The following CALN1 variants were observed in gnomAD, a reference collection of about 807,000 sequenced individuals.
CALN1 encodes the protein calcium-binding protein 8.
Under a neutral mutation model 30.6 loss-of-function variants are expected in CALN1, and 17 were observed. The ratio of observed to expected loss-of-function variants is 0.56; its 90% CI spans 0.38 to 0.83. The LOEUF (loss-of-function observed/expected upper bound fraction) is 0.83, where lower values mean the gene tolerates loss of function less well. CALN1 is among the 40% of genes least tolerant of loss of function. The pLI is 0.00. For missense variants in CALN1, 291 were observed against 354.9 expected, an observed-to-expected ratio of 0.82 and a Z score of 1.45; for synonymous variants, 156 against 131.4, an observed-to-expected ratio of 1.19 and a Z score of -1.28.
At chr7:71,859,600 T>A (rs1252830123) in intron 5 of CALN1, among the ~76,000 whole-genome samples, 1 of 152,226 alleles carries the variant, frequency 6.6e-6, no homozygotes, top group Non-Finnish European at 1.5e-5. Flanking sequence ...TTTGATCTCC[T>A]GTCTCCTCTG....
chr7:72,462,178 GTATT>G, the CALN1 span, among the ~76,000 whole-genome samples: 13 of 150,294 alleles, frequency 8.6e-5, no homozygotes, highest in African/African-American at 2.2e-4. Flanking sequence ...ATGTATGTAT[GTATT>G]TATTTATTTA....
chr7:72,384,494 C>T (rs1344987798), intron 2 of CALN1, among the ~76,000 whole-genome samples: 3 of 152,006 alleles, frequency 2.0e-5, no homozygotes, highest in Non-Finnish European at 4.4e-5. Context: ...CAAAATGGGG[C>T]TTGGTGTTGT....
chr7:71,811,085 C>T (rs868444813), intron 5 of CALN1, among the ~76,000 whole-genome samples: 5 of 150,774 alleles, frequency 3.3e-5, no homozygotes, highest in African/African-American at 4.9e-5. Context: ...TTAGTAGAGA[C>T]GGGGTTTCAC....
intron 5 of CALN1, among the ~76,000 whole-genome samples, chr7:71,862,104 C>A (rs765027021): frequency 6.6e-6 from 1 of 152,198 alleles, no homozygotes; most frequent in Non-Finnish European, 1.5e-5. Flanking sequence ...CAGAGAATCC[C>A]GAGCCTAATT....
intron 5 of CALN1, among the ~76,000 whole-genome samples, chr7:72,005,394 T>A (rs922767146): frequency 6.6e-6 from 1 of 152,166 alleles, no homozygotes; most frequent in South Asian, 2.1e-4. Flanking sequence ...AGTGGCGTGA[T>A]CACGGCTCAC....
intron 2 of CALN1, among the ~76,000 whole-genome samples, chr7:72,387,230 G>A (rs1188480106): frequency 1.0e-5 from 1 of 95,532 alleles, no homozygotes; most frequent in Non-Finnish European, 2.1e-5. Context: ...AGGGAAGGAA[G>A]GGAAGGGAGG....
chr7:72,397,756 C>A (rs555643950), intron 2 of CALN1, among the ~76,000 whole-genome samples: 37 of 99,572 alleles, frequency 3.7e-4, no homozygotes, highest in Non-Finnish European at 7.3e-4. Context: ...ACACACCTTG[C>A]TCCAACCAAA....
intron 3 of CALN1, among the ~76,000 whole-genome samples, chr7:72,163,379 A>G (rs1418686137): frequency 7.7e-6 from 1 of 130,008 alleles, no homozygotes; most frequent in African/African-American, 3.0e-5. Flanking sequence ...CAAGAAAAAA[A>G]CTTATTGGAG....
chr7:72,123,279 C>G (rs530471883), intron 3 of CALN1, among the ~76,000 whole-genome samples: 1 of 152,236 alleles, frequency 6.6e-6, no homozygotes, highest in Admixed American at 6.5e-5. Context: ...GTAGCTCAGC[C>G]CATGAAACAA....
At chr7:72,349,304 GTGTGTGTGTGT>G (rs1802807033) in intron 2 of CALN1, among the ~76,000 whole-genome samples, 2 of 151,604 alleles carry the variant, frequency 1.3e-5, no homozygotes, top group African/African-American at 4.8e-5. Flanking sequence ...GTGTGTGTGT[GTGTGTGTGTGT>G]GTGTGTGTTG....
At chr7:72,502,417 T>A in the CALN1 span, among the ~76,000 whole-genome samples, 1 of 149,058 alleles carries the variant, frequency 6.7e-6, no homozygotes, top group Non-Finnish European at 1.5e-5. Flanking sequence ...ATACAATATA[T>A]ATTATATATA....
chr7:72,023,949 G>C (rs1333230420), intron 4 of CALN1, among the ~76,000 whole-genome samples, 180 bp from the exon 5 acceptor site: 1 of 152,172 alleles, frequency 6.6e-6, no homozygotes, highest in Non-Finnish European at 1.5e-5. Flanking sequence ...ACAAGAAACT[G>C]GCAATTATTA....
chr7:72,356,192 GCTA>G (rs1362209211), intron 2 of CALN1, among the ~76,000 whole-genome samples: 3 of 152,148 alleles, frequency 2.0e-5, no homozygotes, highest in Non-Finnish European at 1.5e-5. Context: ...GCTATAGTGA[GCTA>G]TTCAGACAGA....
chr7:72,468,402 C>T, the CALN1 span, among the ~76,000 whole-genome samples: 1 of 152,308 alleles, frequency 6.6e-6, no homozygotes, highest in South Asian at 2.1e-4. Flanking sequence ...CAACCTCCAC[C>T]TCCTGGACTC....
intron 3 of CALN1, among the ~76,000 whole-genome samples, chr7:72,272,839 T>A (rs973092538): frequency 6.6e-6 from 1 of 152,126 alleles, no homozygotes; most frequent in African/African-American, 2.4e-5. Flanking sequence ...TAAGCTCATT[T>A]GGGGAACACA....
chr7:71,815,933 A>C (rs534365458), intron 5 of CALN1, among the ~76,000 whole-genome samples: 1 of 150,300 alleles, frequency 6.7e-6, no homozygotes, highest in East Asian at 2.0e-4. Flanking sequence ...GCTAGAGTGC[A>C]GTAGTGCGAT....
intron 1 of CALN1, among the ~76,000 whole-genome samples, chr7:72,406,531 C>A (rs190850483): frequency 6.6e-6 from 1 of 152,226 alleles, no homozygotes; most frequent in Admixed American, 6.5e-5. Flanking sequence ...GAAAGGTCAG[C>A]CGGAAGGAGC....
At chr7:71,905,491 T>C (rs1016360300) in intron 5 of CALN1, among the ~76,000 whole-genome samples, 7 of 152,084 alleles carry the variant, frequency 4.6e-5, no homozygotes, top group African/African-American at 1.7e-4. Flanking sequence ...TGTCATAATG[T>C]AGTCCAAAAA....
intron 3 of CALN1, among the ~76,000 whole-genome samples, chr7:72,133,845 G>C (rs1809326783): frequency 6.6e-6 from 1 of 152,130 alleles, no homozygotes; most frequent in African/African-American, 2.4e-5. Flanking sequence ...AGGAACATCA[G>C]ACAAATCCAA....
Sources: allele counts gnomAD v4.1 joint callset (sites outside exome capture counted in the v4.1 genomes callset), GRCh38; gene constraint gnomAD v4.1.1; transcripts MANE v1.5; gene names NCBI Gene and HGNC (gene_info 2026-07-23, HGNC 2026-07-21).